Variants in TLK1 observed in about 807,000 individuals in gnomAD.
The protein encoded by TLK1 is tousled like kinase 1.
TLK1 carries 24 observed loss-of-function variants against 105.3 expected under a neutral mutation model. The observed-to-expected ratio is 0.23, with a 90% confidence interval of 0.17 to 0.32. The LOEUF is 0.32. Among genes scored for constraint, TLK1 ranks in the 10% least tolerant of loss-of-function variants. The pLI is 1.00. For synonymous variants in TLK1, 321 were observed against 310.4 expected, an observed-to-expected ratio of 1.03 and a Z score of -0.36; for missense variants, 558 against 910.5, an observed-to-expected ratio of 0.61 and a Z score of 4.98.
In TLK1 at chr2:171,007,069, AT is replaced by A. The variant is rs752057280; in HGVS notation, c.1417-7del. 1.3e-6 allele frequency: 2 copies of A among 1,586,970 alleles called. No individual in the cohort carries two copies. The highest frequency in any genetic ancestry group is 1.9e-5 in the Admixed American group (1 of 52,474). ...TGTTCATAAAGGTCAAAAGCCTAGG[AT>A]TTCAAGTCAAAAACAATTAAGATGA... On this transcript the variant is annotated splice_polypyrimidine_tract_variant and splice_region_variant and intron_variant, in intron 14 of 20. Coordinates refer to ENST00000431350, the MANE Select transcript of TLK1 (RefSeq NM_012290.5).
At chr2:171,000,049 A>G (rs1684284299) in intron 18 of TLK1, among the ~76,000 whole-genome samples, 5 of 152,106 alleles carry the variant, frequency 3.3e-5, no homozygotes, top group Admixed American at 3.3e-4. Flanking sequence ...ACCTGGCCAC[A>G]TGTCTAACTT....
At chr2:171,061,432 C>T (rs567120582) in intron 3 of TLK1, among the ~76,000 whole-genome samples, 1 of 152,230 alleles carries the variant, frequency 6.6e-6, no homozygotes, top group Non-Finnish European at 1.5e-5. Context: ...AATAATTAGC[C>T]TTTAAAAGAT....
chr2:171,073,159 A>G (rs1688339200), intron 3 of TLK1, among the ~76,000 whole-genome samples: 1 of 152,086 alleles, frequency 6.6e-6, no homozygotes, highest in Non-Finnish European at 1.5e-5. Flanking sequence ...TAATCTGCAA[A>G]CAAGGATAAT....
Position 171,117,870 on chromosome 2 carries a change from A to G in TLK1, c.140-13T>C. 6.4e-7 allele frequency: 1 copy of G among 1,561,656 alleles called. No individual in the cohort carries two copies. The highest frequency in any genetic ancestry group is 1.1e-5 in the South Asian group (1 of 88,120). ...TCATCCATTGCACCTATTAAGAAAA[A>G]AAAATATATATGTACACATATATAT... On this transcript the variant is annotated splice_polypyrimidine_tract_variant and intron_variant, in intron 1 of 20. Transcript: ENST00000431350.
chr2:170,996,576 A>G (rs533981170), intron 20 of TLK1, 77 bp downstream of exon 20: 2 of 1,208,722 alleles, frequency 1.7e-6, no homozygotes, highest in Non-Finnish European at 1.2e-6. Flanking sequence ...TACTTACTGG[A>G]AAGTACTTAC....
intron 1 of TLK1, among the ~76,000 whole-genome samples, chr2:171,191,392 G>A (rs988055163): frequency 8.6e-5 from 13 of 150,978 alleles, no homozygotes; most frequent in Admixed American, 7.2e-4. Context: ...AACATGGTGA[G>A]ACCCACCACC....
chr2:171,156,695 G>A (rs1692248437), intron 1 of TLK1, among the ~76,000 whole-genome samples: 4 of 152,158 alleles, frequency 2.6e-5, no homozygotes, highest in Admixed American at 2.6e-4. Context: ...AAAATTAAAG[G>A]CCTACAGGGC....
At position 171,134,429 on chromosome 2, in the gene TLK1, A is replaced by T. The variant is rs1444924157; in HGVS notation, c.140-16572T>A. Among the ~76,000 whole-genome samples the T allele has an allele frequency of 3.9e-5, 6 of 152,232 alleles. No individual in the cohort carries two copies. The East Asian group carries it at 1.2e-3, about 29-fold the overall frequency. ...ACTGCAAGAGAGAAAAGAAAGTATT[A>T]TTAAAATATAGTTGGCTAACAACTT... On this transcript the variant is annotated intron_variant, in intron 1 of 20. Coordinates refer to ENST00000431350, the MANE Select transcript of TLK1 (RefSeq NM_012290.5).
chr2:171,076,673 G>A (rs994557647), intron 3 of TLK1, among the ~76,000 whole-genome samples: 6 of 151,460 alleles, frequency 4.0e-5, no homozygotes, highest in Non-Finnish European at 5.9e-5. Flanking sequence ...GCCGAGGCGG[G>A]CGGATCACAA....
At position 171,152,723 on chromosome 2, in the gene TLK1, T is replaced by G. The variant is rs534840628; in HGVS notation, c.139+7567A>C. On this transcript the variant is annotated intron_variant, in intron 1 of 20. Coordinates refer to ENST00000431350, the MANE Select transcript of TLK1 (RefSeq NM_012290.5). The stretch of plus-strand genomic sequence containing the variant: ...CAGGTTATAAAGCCTCCACAATAAA[T>G]AGACTGCTCCGATACTGACAGTGGG... 3.0e-4 allele frequency among the ~76,000 whole-genome samples: 46 copies of G among 152,286 alleles called. 2 individuals carry two copies. Among genetic ancestry groups the G allele is most frequent in the African/African-American group, 9.6e-4 (40 of 41,568 alleles).
intron 1 of TLK1, among the ~76,000 whole-genome samples, chr2:171,179,848 C>T (rs989997877): frequency 6.6e-6 from 1 of 152,072 alleles, no homozygotes; most frequent in Non-Finnish European, 1.5e-5. Context: ...AATCCCAACA[C>T]TTTGAGAGGC....
At chr2:171,001,215 G>A (rs1468918752) in intron 18 of TLK1, among the ~76,000 whole-genome samples, 1 of 152,100 alleles carries the variant, frequency 6.6e-6, no homozygotes, top group Non-Finnish European at 1.5e-5. Flanking sequence ...ATGATGTTCT[G>A]TCTACTGGTG....
intron 1 of TLK1, among the ~76,000 whole-genome samples, chr2:171,148,704 G>A (rs1181990807): frequency 6.6e-6 from 1 of 150,562 alleles, no homozygotes; most frequent in Non-Finnish European, 1.5e-5. Flanking sequence ...CCAACATGGT[G>A]ACACCCCCTC....
chr2:171,231,083 T>G (rs1430225928), intron 1 of TLK1: 1 of 152,142 alleles, frequency 6.6e-6, no homozygotes, highest in African/African-American at 2.4e-5. Flanking sequence ...AGGAAAGAAA[T>G]ACAATATTGC....
At position 171,160,220 on chromosome 2, in the gene TLK1, G is replaced by C. The variant is rs1158165359; in HGVS notation, c.139+70C>G. The C allele has an allele frequency of 3.9e-6, 5 of 1,276,280 alleles. No homozygotes were observed. In the South Asian group the frequency reaches 1.1e-4, roughly 27 times the overall value. The allele number at this position is 1,276,280 out of a possible 1,614,324, so 79.1% of individuals were successfully genotyped here. On this transcript the variant is annotated intron_variant, in intron 1 of 20. Transcript: ENST00000431350. The surrounding 1 kb of genome is among the most constrained non-coding windows in gnomAD (Gnocchi z 4.4). ...AGAAGCCCCGGGGCGGGGGGGGCGG[G>C]GGGGGGGCGCGGGGGTCCGCGGCGC...
At chr2:171,214,967 G>T (rs1693686672) in intron 1 of TLK1, among the ~76,000 whole-genome samples, 1 of 151,686 alleles carries the variant, frequency 6.6e-6, no homozygotes, top group East Asian at 1.9e-4. Flanking sequence ...TTGAGACGGG[G>T]CCTTGCTCTG....
At chr2:171,085,646 C>T (rs937961716) in intron 2 of TLK1, among the ~76,000 whole-genome samples, 19 of 152,134 alleles carry the variant, frequency 1.2e-4, no homozygotes, top group African/African-American at 4.6e-4. Context: ...ATTTTAAACA[C>T]ATGGAAAGCA....
At chr2:171,052,370 T>C (rs1159681798) in intron 8 of TLK1, among the ~76,000 whole-genome samples, 1 of 152,182 alleles carries the variant, frequency 6.6e-6, no homozygotes, top group Non-Finnish European at 1.5e-5. Flanking sequence ...TTCCTAAACA[T>C]ATACCACAGA....
Position 171,160,578 on chromosome 2 carries a change from A to C in TLK1, c.-150T>G. 1 of 1,276,026 alleles carries C rather than the reference A, an allele frequency of 7.8e-7. No individual in the cohort carries two copies. Among genetic ancestry groups the C allele is most frequent in the Non-Finnish European group, 1.1e-6 (1 of 942,932 alleles). 79.0% of individuals were successfully genotyped at this position (1,276,026 alleles called of 1,614,324 possible). On this transcript the variant is annotated 5_prime_UTR_variant, in exon 1 of 21. Transcript: ENST00000431350. This position sits in a 1 kb window ranked among gnomAD's most constrained non-coding sequence, Gnocchi z 4.4. ...GAGAGTCAAGGGGATGGGGGAGGAA[A>C]CCGAGAAGAGGGGAGGTGGGGAGGA...
Sources: gnomAD v4.1 joint callset for allele counts (sites outside exome capture counted in the v4.1 genomes callset) on GRCh38, gnomAD v4.1.1 for gene constraint, Gnocchi (gnomAD v3.1) non-coding constraint, MANE v1.5 for transcripts, NCBI Gene and HGNC (gene_info 2026-07-23, HGNC 2026-07-21) for gene names.